MGMT: variants seen among roughly 807,000 people sequenced by gnomAD.
MGMT encodes the protein O-6-methylguanine-DNA methyltransferase, also known as methylated-DNA--protein-cysteine methyltransferase.
Under a neutral mutation model 15.9 loss-of-function variants are expected in MGMT, and 14 were observed. The ratio of observed to expected loss-of-function variants is 0.88; its 90% CI spans 0.58 to 1.37. The LOEUF (loss-of-function observed/expected upper bound fraction) is 1.37, where lower values mean the gene tolerates loss of function less well. MGMT is among the 40% of genes most tolerant of loss of function. The pLI is 0.00. For synonymous variants in MGMT, 130 were observed against 118.2 expected (o/e 1.10, Z -0.65); for missense variants, 282 against 268.1 (o/e 1.05, Z -0.36).
chr10:129,652,503 G>C (rs1036961579), intron 2 of MGMT, among the ~76,000 whole-genome samples: 1 of 152,242 alleles, frequency 6.6e-6, no homozygotes, highest in South Asian at 2.1e-4. Context: ...CCATGCGAAG[G>C]CTTTCAAAGG....
At chr10:129,718,573 T>A (rs1848328442) in intron 3 of MGMT, among the ~76,000 whole-genome samples, 1 of 152,198 alleles carries the variant, frequency 6.6e-6, no homozygotes, top group Non-Finnish European at 1.5e-5. Flanking sequence ...TTCTCACTTC[T>A]CTTCATGGGT....
rs1846627154 is a variant in MGMT, at chr10:129,587,119, T to C, written c.125+50742T>C. 3.9e-5 allele frequency among the ~76,000 whole-genome samples: 6 copies of C among 152,174 alleles called. No individual in the cohort carries two copies. The South Asian group carries it at 1.2e-3, about 32-fold the overall frequency. ...GCTGTCATCCTTATTTTCCTTCATG[T>C]ATGTGGAGCATTTTCCCCCCTCCAG... On this transcript the variant is annotated intron_variant, in intron 2 of 4. Coordinates refer to ENST00000651593, the MANE Select transcript of MGMT (RefSeq NM_002412.5).
chr10:129,745,738 T>C (rs544851094), intron 3 of MGMT, among the ~76,000 whole-genome samples: 63 of 152,364 alleles, frequency 4.1e-4, no homozygotes, highest in African/African-American at 1.5e-3. Context: ...TTGTGGTTAT[T>C]GACCCCTCCT....
At chr10:129,607,338 G>A (rs542793384) in intron 2 of MGMT, among the ~76,000 whole-genome samples, 2 of 152,152 alleles carry the variant, frequency 1.3e-5, no homozygotes, top group African/African-American at 4.8e-5. Context: ...TTAACTTAAG[G>A]GCTGAAGTTC....
chr10:129,685,198 T>C (rs530536352), intron 2 of MGMT, among the ~76,000 whole-genome samples: 1 of 152,352 alleles, frequency 6.6e-6, no homozygotes, highest in African/African-American at 2.4e-5. Flanking sequence ...GTGTCAAATG[T>C]ATGAATTGTG....
At chr10:129,579,805 ACT>A (rs879890706) in intron 2 of MGMT, among the ~76,000 whole-genome samples, 2 of 151,892 alleles carry the variant, frequency 1.3e-5, no homozygotes, top group Non-Finnish European at 2.9e-5. Context: ...TCTCATGTTA[ACT>A]CTGTGATTTT....
At chr10:129,624,960 A>G (rs1847130247) in intron 2 of MGMT, among the ~76,000 whole-genome samples, 1 of 152,232 alleles carries the variant, frequency 6.6e-6, no homozygotes, top group South Asian at 2.1e-4. Flanking sequence ...TATTACAGAG[A>G]TGTTAACAAA....
chr10:129,489,243 C>T (rs967569932), intron 1 of MGMT, among the ~76,000 whole-genome samples: 1 of 149,620 alleles, frequency 6.7e-6, no homozygotes, highest in African/African-American at 2.5e-5. Flanking sequence ...GCCTGTAATC[C>T]CAGTTACTCG....
chr10:129,625,454 A>G (rs1489497784), intron 2 of MGMT, among the ~76,000 whole-genome samples: 1 of 152,278 alleles, frequency 6.6e-6, no homozygotes, highest in Non-Finnish European at 1.5e-5. Flanking sequence ...TCATGAACCC[A>G]AATTTTAAAA....
At chr10:129,474,523 G>A (rs951643975) in intron 1 of MGMT, among the ~76,000 whole-genome samples, 14 of 152,190 alleles carry the variant, frequency 9.2e-5, no homozygotes, top group Non-Finnish European at 1.6e-4. Flanking sequence ...TCTGGCTTTG[G>A]AAGGGTAGAC....
chr10:129,708,129 A>T, intron 3 of MGMT, 86 bp downstream of exon 3: 1 of 1,493,714 alleles, frequency 6.7e-7, no homozygotes, highest in South Asian at 1.3e-5. Context: ...TTTATTGAGT[A>T]TACCAACTTG....
In MGMT at chr10:129,566,089, C is replaced by A. The variant is rs1354932193; in HGVS notation, c.125+29712C>A. Among the ~76,000 whole-genome samples the A allele has an allele frequency of 6.6e-6, 1 of 152,200 alleles. No individual in the cohort carries two copies. Among genetic ancestry groups the A allele is most frequent in the Non-Finnish European group, 1.5e-5 (1 of 68,036 alleles). On this transcript the variant is annotated intron_variant, in intron 2 of 4. Transcript: ENST00000651593. This position sits in a 1 kb window ranked among gnomAD's most constrained non-coding sequence, Gnocchi z 4.1. The stretch of plus-strand genomic sequence containing the variant: ...CTCTGGTCATTCACACGTGGCCTGG[C>A]CACTTGCCTATTGTACCAGCTCTCC...
chr10:129,568,742 G>A (rs527629777), intron 2 of MGMT, among the ~76,000 whole-genome samples: 2 of 152,214 alleles, frequency 1.3e-5, no homozygotes, highest in South Asian at 4.1e-4. Flanking sequence ...TTCTGGAGTA[G>A]CATGGGAGCT....
rs543449874 is a variant in MGMT at position 129,699,377 on chromosome 10, T to G, written c.126-8518T>G. On this transcript the variant is annotated intron_variant, in intron 2 of 4. Transcript: ENST00000651593. Reference sequence around the variant, plus strand: ...TTTTGGTGGGTGTTTTAAAATACTATGGTAAATACCTTTGCAGTTTTGTTT... The same window carrying G: ...TTTTGGTGGGTGTTTTAAAATACTAGGGTAAATACCTTTGCAGTTTTGTTT... Among the ~76,000 whole-genome samples, 16 of 152,312 alleles carry G rather than the reference T, an allele frequency of 1.1e-4. No individual in the cohort carries two copies. The East Asian group carries it at 3.1e-3, about 29-fold the overall frequency.
At chr10:129,719,130 C>A (rs909010305) in intron 3 of MGMT, among the ~76,000 whole-genome samples, 12 of 151,260 alleles carry the variant, frequency 7.9e-5, no homozygotes, top group Non-Finnish European at 1.8e-4. Context: ...ATGTCACCTT[C>A]CCGAGGTGCC....
chr10:129,686,186 G>A, intron 2 of MGMT, among the ~76,000 whole-genome samples: 1 of 151,934 alleles, frequency 6.6e-6, no homozygotes, highest in East Asian at 1.9e-4. Flanking sequence ...TGGTGGATAT[G>A]TGAACAGAAG....
rs1016014487 is a variant in MGMT at position 129,556,156 on chromosome 10, G to A, written c.125+19779G>A. Among the ~76,000 whole-genome samples the A allele has an allele frequency of 8.5e-5, 13 of 152,138 alleles. No individual in the cohort carries two copies. Among genetic ancestry groups the A allele is most frequent in the African/African-American group, 1.2e-4 (5 of 41,416 alleles). On this transcript the variant is annotated intron_variant, in intron 2 of 4. Coordinates refer to ENST00000651593, the MANE Select transcript of MGMT (RefSeq NM_002412.5). The surrounding 1 kb of genome is among the most constrained non-coding windows in gnomAD (Gnocchi z 4.3). ...GGGTTTCATCGCCATTTAACCCTCC[G>A]CGTCTCACAGAGACCAAGCAGTGCT...
At chr10:129,519,459 C>A (rs1319083480) in intron 1 of MGMT, among the ~76,000 whole-genome samples, 4 of 152,174 alleles carry the variant, frequency 2.6e-5, no homozygotes, top group Admixed American at 2.0e-4. Context: ...TCGGATTAAT[C>A]ATTTGGAAGC....
At chr10:129,626,924 G>A (rs1479047324) in intron 2 of MGMT, among the ~76,000 whole-genome samples, 1 of 152,216 alleles carries the variant, frequency 6.6e-6, no homozygotes, top group Non-Finnish European at 1.5e-5. Flanking sequence ...AGAGTACATA[G>A]TGCAAGAAGC....
Sources: gnomAD v4.1 joint callset for allele counts (sites outside exome capture counted in the v4.1 genomes callset) on GRCh38, gnomAD v4.1.1 for gene constraint, Gnocchi (gnomAD v3.1) non-coding constraint, MANE v1.5 for transcripts, NCBI Gene and HGNC (gene_info 2026-07-23, HGNC 2026-07-21) for gene names.